The following TRPM3 variants were observed in gnomAD, a reference collection of about 807,000 sequenced individuals.
TRPM3 encodes long transient receptor potential channel 3.
A neutral mutation model predicts 181.2 loss-of-function variants in TRPM3; 77 were observed. The ratio of observed to expected loss-of-function variants is 0.42; its 90% CI spans 0.35 to 0.51. TRPM3 has a LOEUF of 0.51. Among genes scored for constraint, TRPM3 ranks in the 20% least tolerant of loss-of-function variants. TRPM3 has a pLI of 0.01. For missense variants in TRPM3, 1,759 were observed against 2,196.7 expected, an observed-to-expected ratio of 0.80 and a Z score of 3.98; for synonymous variants, 745 against 796.4, an observed-to-expected ratio of 0.94 and a Z score of 1.09.
chr9:71,012,487 G>A (rs1269727213), intron 1 of TRPM3, among the ~76,000 whole-genome samples: 1 of 150,654 alleles, frequency 6.6e-6, no homozygotes, highest in Non-Finnish European at 1.5e-5. Flanking sequence ...ATTATCAGAT[G>A]TTTATTTTTC....
At chr9:71,405,159 G>A (rs2093413836) in intron 1 of TRPM3, among the ~76,000 whole-genome samples, 1 of 152,104 alleles carries the variant, frequency 6.6e-6, no homozygotes, top group Non-Finnish European at 1.5e-5. Context: ...TTGCCAACTG[G>A]TAAGTAAAAT....
chr9:71,195,291 G>A (rs186336964), intron 1 of TRPM3, among the ~76,000 whole-genome samples: 101 of 152,072 alleles, frequency 6.6e-4, no homozygotes, highest in African/African-American at 2.4e-3. Context: ...GCATCTAGAA[G>A]GAACTTAAAT....
At chr9:70,878,369 A>C (rs2095911752) in intron 1 of TRPM3, among the ~76,000 whole-genome samples, 1 of 152,050 alleles carries the variant, frequency 6.6e-6, no homozygotes, top group Admixed American at 6.6e-5. Context: ...AGAATTTGAA[A>C]ATGAGCCATC....
At chr9:71,299,429 G>A (rs1299530240) in intron 1 of TRPM3, among the ~76,000 whole-genome samples, 1 of 151,038 alleles carries the variant, frequency 6.6e-6, no homozygotes, top group Non-Finnish European at 1.5e-5. Context: ...TTACAAATGA[G>A]GGAATTGAAA....
chr9:71,247,560 G>A (rs892655949), intron 1 of TRPM3, among the ~76,000 whole-genome samples: 26 of 151,990 alleles, frequency 1.7e-4, no homozygotes, highest in Admixed American at 5.9e-4. Flanking sequence ...GGGGGAATTT[G>A]CACTGGAAGG....
At chr9:71,114,831 A>T (rs963448977) in intron 1 of TRPM3, among the ~76,000 whole-genome samples, 1 of 152,230 alleles carries the variant, frequency 6.6e-6, no homozygotes, top group Non-Finnish European at 1.5e-5. Context: ...TTGACCATGA[A>T]GACTATTTTT....
chr9:71,123,408 G>A (rs773477766), upstream of TRPM3, among the ~76,000 whole-genome samples: 8 of 152,226 alleles, frequency 5.3e-5, no homozygotes, highest in South Asian at 2.1e-4. Context: ...GTCCTTATCC[G>A]TACAATGGAG....
intron 1 of TRPM3, among the ~76,000 whole-genome samples, chr9:71,397,576 C>A (rs1475591710): frequency 1.3e-5 from 2 of 152,168 alleles, no homozygotes; most frequent in East Asian, 3.9e-4. Flanking sequence ...ACAAGGCCCT[C>A]TTTGGATACA....
At chr9:70,686,842 T>C (rs2067083298) in intron 8 of TRPM3, among the ~76,000 whole-genome samples, 2 of 145,740 alleles carry the variant, frequency 1.4e-5, no homozygotes, top group Non-Finnish European at 3.0e-5. Context: ...TTTTTCTTTT[T>C]TGAGACAGGG....
At chr9:71,347,721 G>T (rs1312769395) in intron 1 of TRPM3, among the ~76,000 whole-genome samples, 1 of 151,866 alleles carries the variant, frequency 6.6e-6, no homozygotes, top group Admixed American at 6.6e-5. Context: ...ACCAGCCTGG[G>T]CAACATAGTG....
chr9:70,649,678 C>T (rs2059365333), intron 9 of TRPM3, among the ~76,000 whole-genome samples: 1 of 152,096 alleles, frequency 6.6e-6, no homozygotes, highest in South Asian at 2.1e-4. Flanking sequence ...AAAGGGAATG[C>T]TTATATACTG....
chr9:71,097,101 A>T (rs1048460473), intron 1 of TRPM3, among the ~76,000 whole-genome samples: 1 of 152,144 alleles, frequency 6.6e-6, no homozygotes, highest in African/African-American at 2.4e-5. Flanking sequence ...GTTTGCTGTC[A>T]GAAAGACTCT....
At chr9:71,108,502 C>T (rs1056787685) in intron 1 of TRPM3, among the ~76,000 whole-genome samples, 11 of 151,958 alleles carry the variant, frequency 7.2e-5, no homozygotes, top group African/African-American at 1.9e-4. Context: ...AAACAAGGGT[C>T]GACATATCAC....
intron 1 of TRPM3, among the ~76,000 whole-genome samples, chr9:71,031,722 G>T (rs1487567717): frequency 6.6e-6 from 1 of 150,668 alleles, no homozygotes; most frequent in African/African-American, 2.4e-5. Context: ...TCAACTTCAG[G>T]GTCAAGGCTG....
intron 1 of TRPM3, among the ~76,000 whole-genome samples, chr9:70,888,828 C>T (rs1298042766): frequency 6.6e-6 from 1 of 152,162 alleles, no homozygotes; most frequent in East Asian, 1.9e-4. Context: ...GAGGCTGATT[C>T]AACAACATTT....
chr9:70,875,517 T>C (rs781075245), intron 1 of TRPM3, among the ~76,000 whole-genome samples: 3 of 151,956 alleles, frequency 2.0e-5, no homozygotes, highest in African/African-American at 7.2e-5. Flanking sequence ...TCCTTAAGAA[T>C]GCCCTGGTTG....
intron 1 of TRPM3, among the ~76,000 whole-genome samples, chr9:71,089,119 G>GAATATATATTT (rs2065763500): frequency 4.1e-5 from 6 of 145,920 alleles, no homozygotes; most frequent in Admixed American, 3.5e-4. Context: ...GATATATATT[G>GAATATATATTT]TATATATCAT....
intron 1 of TRPM3, among the ~76,000 whole-genome samples, chr9:71,139,220 A>G (rs965804890): frequency 2.6e-5 from 4 of 152,244 alleles, no homozygotes; most frequent in Non-Finnish European, 5.9e-5. Flanking sequence ...TGGGAACAGC[A>G]TATTAGATAC....
chr9:71,126,716 A>G (rs949214555), intron 1 of TRPM3, among the ~76,000 whole-genome samples: 3 of 152,242 alleles, frequency 2.0e-5, no homozygotes, highest in African/African-American at 7.2e-5. Flanking sequence ...TCCATATAAA[A>G]TAAAAATATC....
Sources: allele counts gnomAD v4.1 joint callset (sites outside exome capture counted in the v4.1 genomes callset), GRCh38; gene constraint gnomAD v4.1.1; transcripts MANE v1.5; gene names NCBI Gene and HGNC (gene_info 2026-07-23, HGNC 2026-07-21).